The following TPO variants were observed in gnomAD, a reference collection of about 807,000 sequenced individuals.
TPO encodes thyroid microsomal antigen.
A neutral mutation model predicts 96.9 loss-of-function variants in TPO; 78 were observed. The ratio of observed to expected loss-of-function variants is 0.81; its 90% confidence interval spans 0.67 to 0.97. TPO has a LOEUF of 0.97. Among genes scored for constraint, TPO ranks in the 50% least tolerant of loss-of-function variants. The pLI is 0.00. For synonymous variants in TPO, 547 were observed against 538.0 expected, an observed-to-expected ratio of 1.02 and a Z score of -0.23; for missense variants, 1,252 against 1,274.8, an observed-to-expected ratio of 0.98 and a Z score of 0.27.
chr2:1,496,322 C>T (rs1286599598), intron 12 of TPO, 125 bp downstream of exon 12: 5 of 1,229,058 alleles, frequency 4.1e-6, no homozygotes, highest in Admixed American at 4.0e-5. Flanking sequence ...CCCTGCCTTA[C>T]ACCCTCAGGG....
chr2:1,455,263 G>A (rs1573255921), intron 6 of TPO, among the ~76,000 whole-genome samples: 1 of 152,178 alleles, frequency 6.6e-6, no homozygotes, highest in East Asian at 1.9e-4. Flanking sequence ...CCAAGGATTA[G>A]CGAATGGATG....
chr2:1,503,817 CT>C (rs753578256), intron 13 of TPO, 130 bp from the exon 14 acceptor site: 749 of 1,559,470 alleles, frequency 4.8e-4, no homozygotes, highest in Admixed American at 2.4e-3. Flanking sequence ...CCGGTTCCCC[CT>C]AGACCAGGTG....
chr2:1,431,866 C>T (rs911147948), intron 3 of TPO, among the ~76,000 whole-genome samples: 1 of 152,250 alleles, frequency 6.6e-6, no homozygotes, highest in Non-Finnish European at 1.5e-5. Flanking sequence ...GTAGGTGATT[C>T]TGAGCCCTGA....
chr2:1,420,066 G>T lies in TPO; in HGVS notation c.95-2979G>T, dbSNP rs145955584. On this transcript the variant is annotated intron_variant, in intron 2 of 16. Coordinates refer to ENST00000329066, the MANE Select transcript of TPO (RefSeq NM_001206744.2). ...GAGAGTTATGTGTCTCTGGGAGGAA[G>T]TTTTCAATACAGAAATGGATTTATT... is the stretch of plus-strand genomic sequence containing the variant. Among the ~76,000 whole-genome samples, 189 of 152,278 alleles carry T rather than the reference G, an allele frequency of 1.2e-3. 1 individual carries two copies. The highest frequency in any genetic ancestry group is 4.3e-3 in the African/African-American group (178 of 41,554).
At chr2:1,471,064 C>A (rs1467958600) in intron 7 of TPO, among the ~76,000 whole-genome samples, 2 of 152,238 alleles carry the variant, frequency 1.3e-5, no homozygotes, top group Non-Finnish European at 2.9e-5. Flanking sequence ...TTTTCCGATG[C>A]TGCACCTATT....
upstream of TPO, among the ~76,000 whole-genome samples, chr2:1,412,884 C>T (rs1558252951): frequency 6.6e-6 from 1 of 152,078 alleles, no homozygotes; most frequent in Non-Finnish European, 1.5e-5. Flanking sequence ...CAGAACATCT[C>T]TGTCTTTGTG....
chr2:1,402,400 G>A (rs559319045), intron 1 of TPO, among the ~76,000 whole-genome samples: 4 of 152,280 alleles, frequency 2.6e-5, no homozygotes, highest in Admixed American at 2.0e-4. Context: ...AGGAAGAGAC[G>A]GGAGCACAGA....
chr2:1,411,328 G>C (rs972055576), upstream of TPO, among the ~76,000 whole-genome samples: 3 of 152,154 alleles, frequency 2.0e-5, no homozygotes, highest in Non-Finnish European at 4.4e-5. Flanking sequence ...TTAGAGGAGA[G>C]GCTACAAAAC....
Position 1,493,986 on chromosome 2 carries a change from C to T in TPO, c.1953C>T (p.Pro651=), listed in dbSNP as rs1465500527. The part of the protein sequence containing the change: ...ENFLPRARTG[P]LFACLIGKQM... Reference sequence around the variant, plus strand: ...TCCTCCCCAGGGCTCGGACAGGGCCCCTGTTTGCCTGTCTCATTGGGAAGC... The same window carrying T: ...TCCTCCCCAGGGCTCGGACAGGGCCTCTGTTTGCCTGTCTCATTGGGAAGC... The change falls in exon 11 of 17, where the codon CCC becomes CCT. Residue 651 remains proline, a synonymous_variant. Coordinates refer to ENST00000329066, the MANE Select transcript of TPO (RefSeq NM_001206744.2). 6.2e-7 allele frequency: 1 copy of T among 1,614,156 alleles called. No individual in the cohort carries two copies. The highest frequency in any genetic ancestry group is 1.1e-5 in the South Asian group (1 of 91,084).
At chr2:1,477,748 G>A in intron 8 of TPO, 144 bp downstream of exon 8, 13 of 1,369,854 alleles carry the variant, frequency 9.5e-6, no homozygotes, top group African/African-American at 1.5e-5. Flanking sequence ...CCAGGTCGTG[G>A]GGCCCTGTGT....
rs181788000 is a variant in TPO at position 1,520,303 on chromosome 2, T to C, written c.2618+3321T>C. The stretch of plus-strand genomic sequence containing the variant: ...CTCCCTGTGTCTTATTCTTCAGCTT[T>C]TAAAAACATGATCTTATTTCCACCT... On this transcript the variant is annotated intron_variant, in intron 15 of 16. Coordinates refer to ENST00000329066, the MANE Select transcript of TPO (RefSeq NM_001206744.2). Among the ~76,000 whole-genome samples, 28 of 152,316 alleles carry C rather than the reference T, an allele frequency of 1.8e-4. No individual in the cohort carries two copies. The East Asian group carries it at 2.1e-3, about 12-fold the overall frequency.
At chr2:1,401,922 C>T (rs531858714) in intron 1 of TPO, among the ~76,000 whole-genome samples, 27 of 152,274 alleles carry the variant, frequency 1.8e-4, no homozygotes, top group African/African-American at 5.8e-4. Context: ...CTGAGTGCCG[C>T]GAGCCAGCCA....
intron 4 of TPO, among the ~76,000 whole-genome samples, chr2:1,434,803 C>T (rs1423126487): frequency 1.3e-5 from 2 of 152,206 alleles, no homozygotes; most frequent in South Asian, 2.1e-4. Flanking sequence ...ATTTAGAACA[C>T]GAGGAACCTA....
chr2:1,537,498 CCA>C (rs1393711358), intron 15 of TPO, among the ~76,000 whole-genome samples: 34 of 56,776 alleles, frequency 6.0e-4, no homozygotes, highest in South Asian at 1.5e-3. Context: ...TGCAGCCTCC[CCA>C]AATCCCCCCA....
At chr2:1,498,114 A>G (rs758347615) in intron 13 of TPO, among the ~76,000 whole-genome samples, 1 of 152,120 alleles carries the variant, frequency 6.6e-6, no homozygotes, top group Non-Finnish European at 1.5e-5. Context: ...AGTTTACATT[A>G]TGTATAATTC....
intron 7 of TPO, among the ~76,000 whole-genome samples, chr2:1,474,750 T>C (rs1669742198): frequency 6.6e-6 from 1 of 152,116 alleles, no homozygotes; most frequent in Non-Finnish European, 1.5e-5. Context: ...TCTTCTCATC[T>C]CTCCTGCATG....
intron 16 of TPO, chr2:1,542,126 A>T: frequency 1.9e-6 from 1 of 533,454 alleles, no homozygotes; most frequent in Admixed American, 3.2e-5. Context: ...GGTCGCAGGG[A>T]CCTGTGTGCT....
intron 7 of TPO, among the ~76,000 whole-genome samples, chr2:1,458,840 A>G (rs1344259428): frequency 1.3e-5 from 2 of 152,186 alleles, no homozygotes; most frequent in African/African-American, 4.8e-5. Context: ...ATTATAATCT[A>G]TCTAACCACT....
chr2:1,515,937 T>G (rs2125071145), intron 14 of TPO, among the ~76,000 whole-genome samples: 2 of 152,280 alleles, frequency 1.3e-5, no homozygotes, highest in South Asian at 4.1e-4. Context: ...AATTCTTATT[T>G]AAAAGTCAGT....
Sources: allele counts gnomAD v4.1 joint callset (sites outside exome capture counted in the v4.1 genomes callset), GRCh38; gene constraint gnomAD v4.1.1; transcripts MANE v1.5; gene names NCBI Gene and HGNC (gene_info 2026-07-23, HGNC 2026-07-21).